KIAA0825: variants seen among roughly 807,000 people sequenced by gnomAD.
KIAA0825 encodes KIAA0825, also known as uncharacterized protein KIAA0825.
A neutral mutation model predicts 147.6 loss-of-function variants in KIAA0825; 119 were observed. The ratio of observed to expected loss-of-function variants is 0.81; its 90% CI spans 0.69 to 0.94. The LOEUF (loss-of-function observed/expected upper bound fraction) is 0.94. KIAA0825 is among the 40% of genes least tolerant of loss of function. The pLI, the probability that KIAA0825 is intolerant of heterozygous loss-of-function variation, is 0.00. For missense variants in KIAA0825, 1,381 were observed against 1,472.7 expected (o/e 0.94, Z 1.02); for synonymous variants, 470 against 518.1 (o/e 0.91, Z 1.26).
intron 20 of KIAA0825, among the ~76,000 whole-genome samples, chr5:94,272,835 CA>C (rs1777053154): frequency 6.6e-6 from 1 of 152,084 alleles, no homozygotes; most frequent in South Asian, 2.1e-4. Context: ...TCACAGATGC[CA>C]GGGGGATGGA....
chr5:94,579,326 G>A (rs190097139), intron 2 of KIAA0825, among the ~76,000 whole-genome samples: 1 of 152,278 alleles, frequency 6.6e-6, no homozygotes, highest in Admixed American at 6.5e-5. Flanking sequence ...TTAAAGGGTT[G>A]TTACCAAGAT....
At chr5:94,519,913 G>T in intron 5 of KIAA0825, 1 of 672,830 alleles carries the variant, frequency 1.5e-6, no homozygotes, top group Non-Finnish European at 1.9e-6. Context: ...GCTTATATGT[G>T]TATAAGCATA....
chr5:94,441,701 G>C (rs1757106439), intron 13 of KIAA0825, among the ~76,000 whole-genome samples: 1 of 152,138 alleles, frequency 6.6e-6, no homozygotes, highest in Non-Finnish European at 1.5e-5. Flanking sequence ...CAACTGTGCT[G>C]TATCTCATCT....
At chr5:94,185,463 A>G (rs1328513842) in intron 20 of KIAA0825, among the ~76,000 whole-genome samples, 2 of 152,152 alleles carry the variant, frequency 1.3e-5, no homozygotes, top group Non-Finnish European at 2.9e-5. Context: ...ATTTGTATTC[A>G]TCCCACTTGT....
chr5:94,460,985 G>A (rs541911368), intron 12 of KIAA0825, among the ~76,000 whole-genome samples: 19 of 152,008 alleles, frequency 1.2e-4, no homozygotes, highest in Admixed American at 7.9e-4. Flanking sequence ...AGTGCTTAGC[G>A]TAAAATGTTC....
At chr5:94,199,767 A>G (rs1771490357) in intron 20 of KIAA0825, among the ~76,000 whole-genome samples, 1 of 152,134 alleles carries the variant, frequency 6.6e-6, no homozygotes, top group African/African-American at 2.4e-5. Context: ...AGGCAAGTGC[A>G]TGCTGGCGGG....
intron 2 of KIAA0825, among the ~76,000 whole-genome samples, chr5:94,555,170 ATTTC>A: frequency 1.3e-5 from 2 of 152,116 alleles, no homozygotes; most frequent in Middle Eastern, 6.8e-3. Flanking sequence ...GTTGCCTGAA[ATTTC>A]TTTCTTCTCA....
intron 2 of KIAA0825, among the ~76,000 whole-genome samples, chr5:94,550,785 T>C (rs1775377094): frequency 1.3e-5 from 2 of 148,918 alleles, no homozygotes; most frequent in Admixed American, 6.8e-5. Context: ...GAGCTTGCAG[T>C]GAGCCCAGAT....
intron 1 of KIAA0825, among the ~76,000 whole-genome samples, chr5:94,614,721 T>A (rs1017650994): frequency 1.3e-5 from 2 of 152,214 alleles, no homozygotes; most frequent in Non-Finnish European, 2.9e-5. Context: ...AAAAAATCTC[T>A]TTTCTTTGCA....
intron 2 of KIAA0825, among the ~76,000 whole-genome samples, chr5:94,552,304 C>T (rs1775695752): frequency 6.6e-6 from 1 of 152,062 alleles, no homozygotes; most frequent in Admixed American, 6.6e-5. Context: ...ACACAGACTG[C>T]AATGCAATAA....
At chr5:94,320,730 C>T (rs1780101387) in intron 20 of KIAA0825, among the ~76,000 whole-genome samples, 1 of 152,004 alleles carries the variant, frequency 6.6e-6, no homozygotes, top group African/African-American at 2.4e-5. Flanking sequence ...ATTGCTCATT[C>T]AGACACTCCA....
intron 20 of KIAA0825, among the ~76,000 whole-genome samples, chr5:94,265,901 T>G (rs1776721800): frequency 6.6e-6 from 1 of 152,220 alleles, no homozygotes; most frequent in Non-Finnish European, 1.5e-5. Flanking sequence ...TGAATCTTGA[T>G]TCTTGAATAT....
chr5:94,336,789 G>A (rs1781853617), intron 20 of KIAA0825, among the ~76,000 whole-genome samples: 1 of 152,122 alleles, frequency 6.6e-6, no homozygotes, highest in African/African-American at 2.4e-5. Context: ...TAATGAGATT[G>A]CTGGGCCAAA....
intron 4 of KIAA0825, 81 bp downstream of exon 4, chr5:94,523,849 A>C: frequency 2.1e-6 from 2 of 947,516 alleles, no homozygotes; most frequent in Non-Finnish European, 3.0e-6. Context: ...CACTCAAATA[A>C]ATATTTACGT....
rs149383677 is a variant in KIAA0825, at chr5:94,404,934, T to A, written c.2663-1141A>T. ...GGGCTGGACAAGATGATATTTATGG[T>A]CTTTGTTAGTTTTCACCTTCCACGA... On this transcript the variant is annotated intron_variant, in intron 15 of 20. Transcript: ENST00000682413. 2.7e-3 allele frequency among the ~76,000 whole-genome samples: 418 copies of A among 152,258 alleles called. 1 individual carries two copies. The highest frequency in any genetic ancestry group is 9.0e-3 in the African/African-American group (374 of 41,546).
chr5:94,374,918 C>T (rs1747307602), intron 20 of KIAA0825, among the ~76,000 whole-genome samples: 1 of 152,162 alleles, frequency 6.6e-6, no homozygotes. Flanking sequence ...TGAACCCACA[C>T]TCTCTGAAGA....
In KIAA0825 at chr5:94,403,735, G is replaced by T. The variant is rs144789706; in HGVS notation, c.2721C>A (p.Thr907=). 49 of 1,551,502 alleles carry T rather than the reference G, an allele frequency of 3.2e-5. No individual in the cohort carries two copies. The highest frequency in any genetic ancestry group is 5.9e-5 in the Admixed American group (3 of 50,972). Residue 907 remains threonine (T), a synonymous_variant, in exon 16 of 21, where the codon ACC becomes ACA. Coordinates refer to ENST00000682413, the MANE Select transcript of KIAA0825 (RefSeq NM_001145678.3). ...GCTGTACAGTGTCCTTGATGGCATCGGTCAGTGCCAGTCTCAAGCATCGGA... is the reference window on the plus strand; with the variant it reads ...GCTGTACAGTGTCCTTGATGGCATCTGTCAGTGCCAGTCTCAAGCATCGGA... ...EVIRCLRLAL[T]DAIKDTVQQI... is the part of the protein sequence containing the mutation.
chr5:94,586,595 C>G (rs1783334331), intron 1 of KIAA0825, among the ~76,000 whole-genome samples: 2 of 152,144 alleles, frequency 1.3e-5, no homozygotes, highest in Non-Finnish European at 2.9e-5. Context: ...AGATTCACAG[C>G]CAAATTCTAC....
chr5:94,160,275 T>G (rs569530677), intron 20 of KIAA0825, among the ~76,000 whole-genome samples: 59 of 152,186 alleles, frequency 3.9e-4, no homozygotes, highest in African/African-American at 5.8e-4. Flanking sequence ...TTCAGCATCT[T>G]TAAACTTTGT....
Sources: allele counts gnomAD v4.1 joint callset (sites outside exome capture counted in the v4.1 genomes callset), GRCh38; gene constraint gnomAD v4.1.1; transcripts MANE v1.5; gene names NCBI Gene and HGNC (gene_info 2026-07-23, HGNC 2026-07-21).